The following PTPRN2 variants were observed in gnomAD, a reference collection of about 807,000 sequenced individuals.
PTPRN2 encodes the protein receptor-type tyrosine-protein phosphatase N2.
In PTPRN2, 74 loss-of-function variants were observed where a neutral mutation model predicts 118.8. The ratio of observed to expected loss-of-function variants is 0.62; its 90% CI spans 0.52 to 0.76. The LOEUF (loss-of-function observed/expected upper bound fraction) is 0.76, where lower values mean the gene tolerates loss of function less well. PTPRN2 is among the 30% of genes least tolerant of loss of function. The probability of loss-of-function intolerance (pLI) is 0.00; values close to 1 mark genes in which losing one functional copy is unlikely to be tolerated. For synonymous variants in PTPRN2, 641 were observed against 608.0 expected (o/e 1.05, Z -0.80); for missense variants, 1,481 against 1,394.4 (o/e 1.06, Z -0.99).
At chr7:157,966,601 C>A (rs1369285980) in intron 11 of PTPRN2, among the ~76,000 whole-genome samples, 2 of 151,728 alleles carry the variant, frequency 1.3e-5, no homozygotes, top group East Asian at 3.9e-4. Flanking sequence ...TCACTACTAT[C>A]ACCATCACCA....
chr7:157,970,249 G>A (rs558713160), intron 11 of PTPRN2, among the ~76,000 whole-genome samples: 1 of 152,300 alleles, frequency 6.6e-6, no homozygotes, highest in African/African-American at 2.4e-5. Context: ...AAGAGCTCAG[G>A]ACACACATTG....
chr7:158,062,488 C>T (rs189789612), intron 11 of PTPRN2, among the ~76,000 whole-genome samples: 67 of 152,346 alleles, frequency 4.4e-4, no homozygotes, highest in Non-Finnish European at 2.6e-4. Context: ...AGGAGCCCTT[C>T]AGCTCACTGC....
rs903935720 is a variant in PTPRN2 at position 157,784,760 on chromosome 7, G to A, written c.1789-101823C>T. ...GCCCCCTGGGTCTCGACATTTCACCGCAAACCCTGACCCCACACCCGGCCT... is the reference window on the plus strand; with the variant it reads ...GCCCCCTGGGTCTCGACATTTCACCACAAACCCTGACCCCACACCCGGCCT... On this transcript the variant is annotated intron_variant, in intron 12 of 22. Coordinates refer to ENST00000389418, the MANE Select transcript of PTPRN2 (RefSeq NM_002847.5). This position sits in a 1 kb window ranked among gnomAD's most constrained non-coding sequence, Gnocchi z 4.6. Among the ~76,000 whole-genome samples, 5 of 152,114 alleles carry A rather than the reference G, an allele frequency of 3.3e-5. No homozygotes were observed. The highest frequency in any genetic ancestry group is 2.6e-4 in the Admixed American group (4 of 15,264).
intron 2 of PTPRN2, among the ~76,000 whole-genome samples, chr7:158,413,004 A>ACCAGGGCCCATCCAGTGGCCTCCTCAGCT (rs1563262494): frequency 2.3e-5 from 3 of 129,500 alleles, no homozygotes; most frequent in Non-Finnish European, 4.9e-5. Flanking sequence ...CCTCCTCAGC[A>ACCAGGGCCCATCCAGTGGCCTCCTCAGCT]CCAGGGCCCA....
intron 12 of PTPRN2, chr7:157,740,217 T>C (rs1800541633): frequency 6.6e-6 from 1 of 152,256 alleles, no homozygotes; most frequent in South Asian, 2.1e-4. Flanking sequence ...GATTTGTTAT[T>C]ATGTATACAT....
chr7:157,577,381 C>T (rs909714305), intron 18 of PTPRN2, among the ~76,000 whole-genome samples: 3 of 152,226 alleles, frequency 2.0e-5, no homozygotes, highest in East Asian at 1.9e-4. Context: ...CTTTGGCATT[C>T]TCACTCATTT....
chr7:157,626,100 A>G (rs980181448), intron 14 of PTPRN2, among the ~76,000 whole-genome samples: 1 of 152,180 alleles, frequency 6.6e-6, no homozygotes, highest in African/African-American at 2.4e-5. Flanking sequence ...ATTGGTCCAC[A>G]GCCCCCAGCA....
At chr7:158,296,761 G>A (rs1047209671) in intron 3 of PTPRN2, among the ~76,000 whole-genome samples, 1 of 152,178 alleles carries the variant, frequency 6.6e-6, no homozygotes, top group African/African-American at 2.4e-5. Context: ...AACTTTTCCT[G>A]TTTCACTTCA....
chr7:158,554,763 TATAGGATGTGGCTCCCCCGATCCA>T (rs1483544615), intron 1 of PTPRN2, among the ~76,000 whole-genome samples: 1 of 152,116 alleles, frequency 6.6e-6, no homozygotes, highest in East Asian at 1.9e-4. Flanking sequence ...GGCCTGGGAC[TATAGGATGTGGCTCCCCCGATCCA>T]GCGCAGGAGC....
intron 6 of PTPRN2, among the ~76,000 whole-genome samples, chr7:158,157,649 C>T (rs75166880): frequency 7.2e-5 from 11 of 152,244 alleles, no homozygotes; most frequent in African/African-American, 1.9e-4. Context: ...GCTGCCACCC[C>T]GCACTGGGCG....
At chr7:158,362,328 C>G (rs1809052479) in intron 2 of PTPRN2, among the ~76,000 whole-genome samples, 3 of 152,220 alleles carry the variant, frequency 2.0e-5, no homozygotes, top group African/African-American at 7.2e-5. Context: ...GTGCCCGGCA[C>G]TTTCCTCAGG....
Position 157,680,418 on chromosome 7 carries a change from T to C in PTPRN2, c.2001+2307A>G, listed in dbSNP as rs183275338. ...ATTTTTACACTTCACAGGGGACTCA[T>C]GGCTGTGATAGAAAACCCAAGTGAG... On this transcript the variant is annotated intron_variant, in intron 13 of 22. Transcript: ENST00000389418. Among the ~76,000 whole-genome samples, 431 of 152,364 alleles carry C rather than the reference T, an allele frequency of 2.8e-3. 2 individuals carry two copies. Among genetic ancestry groups the C allele is most frequent in the Middle Eastern group, 6.8e-3 (2 of 294 alleles).
intron 1 of PTPRN2, among the ~76,000 whole-genome samples, chr7:158,536,306 C>G (rs112249398): frequency 0.01 from 1,574 of 152,266 alleles, 26 homozygotes; most frequent in African/African-American, 0.035. Context: ...GTTTCATAAA[C>G]TTGATGATGT....
intron 2 of PTPRN2, among the ~76,000 whole-genome samples, chr7:158,330,448 A>G (rs866391455): frequency 1.2e-5 from 1 of 81,724 alleles, no homozygotes. Flanking sequence ...AAGAGCTGAC[A>G]CCCGCAGACG....
chr7:158,298,715 G>A (rs1273768230), intron 3 of PTPRN2, among the ~76,000 whole-genome samples: 1 of 152,124 alleles, frequency 6.6e-6, no homozygotes, highest in African/African-American at 2.4e-5. Flanking sequence ...AGTTGTGCTC[G>A]GGCACATCAG....
chr7:158,435,335 A>T (rs549019568), intron 2 of PTPRN2, among the ~76,000 whole-genome samples: 1 of 152,344 alleles, frequency 6.6e-6, no homozygotes, highest in East Asian at 1.9e-4. Context: ...AATGGACTGC[A>T]GGTATACAAC....
chr7:158,222,182 C>T (rs1828427072), intron 3 of PTPRN2, among the ~76,000 whole-genome samples: 1 of 152,130 alleles, frequency 6.6e-6, no homozygotes, highest in Non-Finnish European at 1.5e-5. Flanking sequence ...TCTCAGAGAA[C>T]TTAACACAGA....
At chr7:158,473,127 A>G (rs758350040) in intron 2 of PTPRN2, among the ~76,000 whole-genome samples, 7 of 152,374 alleles carry the variant, frequency 4.6e-5, no homozygotes, top group Non-Finnish European at 4.4e-5. Flanking sequence ...GGCCACGCAC[A>G]GACATTATCC....
Position 157,621,343 on chromosome 7 carries a change from C to A in PTPRN2, c.2344+19G>T. 1 of 1,604,222 alleles carries A rather than the reference C, an allele frequency of 6.2e-7. No homozygotes were observed. The highest frequency in any genetic ancestry group is 8.5e-7 in the Non-Finnish European group (1 of 1,173,082). On this transcript the variant is annotated intron_variant, in intron 15 of 22. Transcript: ENST00000389418. ...ACCGCCCGTAACCCAGGCTTCCTGC[C>A]CCCGGGGCTGGTACGTACAGGTCAG...
Sources: allele counts gnomAD v4.1 joint callset (sites outside exome capture counted in the v4.1 genomes callset), GRCh38; gene constraint gnomAD v4.1.1; non-coding constraint Gnocchi (gnomAD v3.1); transcripts MANE v1.5; gene names NCBI Gene and HGNC (gene_info 2026-07-23, HGNC 2026-07-21).